The following ZFAT variants were observed in gnomAD, a reference collection of about 807,000 sequenced individuals.
ZFAT encodes the protein zinc finger protein ZFAT.
Under a neutral mutation model 117.7 loss-of-function variants are expected in ZFAT, and 64 were observed. The ratio of observed to expected loss-of-function variants is 0.54; its 90% CI spans 0.44 to 0.67. ZFAT has a LOEUF of 0.67. Among genes scored for constraint, ZFAT ranks in the 30% least tolerant of loss-of-function variants. The pLI, the probability that ZFAT is intolerant of heterozygous loss-of-function variation, is 0.00. For missense variants in ZFAT, 1,433 were observed against 1,584.5 expected (o/e 0.90, Z 1.62); for synonymous variants, 679 against 615.0 (o/e 1.10, Z -1.54).
chr8:134,499,857 C>CT (rs1818837355), intron 15 of ZFAT, among the ~76,000 whole-genome samples: 1 of 152,182 alleles, frequency 6.6e-6, no homozygotes, highest in Non-Finnish European at 1.5e-5. Flanking sequence ...GGGCAGACGT[C>CT]CGGTGGGAGA....
At chr8:134,725,161 A>G in the ZFAT span, among the ~76,000 whole-genome samples, 2 of 152,108 alleles carry the variant, frequency 1.3e-5, no homozygotes, top group African/African-American at 4.8e-5. Flanking sequence ...TCCTGGGCAC[A>G]CTGTACCGCC....
At chr8:134,647,086 T>C (rs1830939643) in intron 2 of ZFAT, among the ~76,000 whole-genome samples, 1 of 151,764 alleles carries the variant, frequency 6.6e-6, no homozygotes, top group African/African-American at 2.4e-5. Context: ...AAAAAGAAAA[T>C]TACAGGCCAA....
chr8:134,722,747 G>A, the ZFAT span, among the ~76,000 whole-genome samples: 41 of 152,276 alleles, frequency 2.7e-4, no homozygotes, highest in African/African-American at 9.6e-4. Context: ...CACTGTCCTC[G>A]ACCTTGAGGG....
chr8:134,619,176 T>C (rs1426314278), intron 3 of ZFAT, among the ~76,000 whole-genome samples: 1 of 152,124 alleles, frequency 6.6e-6, no homozygotes, highest in African/African-American at 2.4e-5. Context: ...CTATCCTATC[T>C]TAAATGTGCT....
chr8:134,757,080 A>C, the ZFAT span, among the ~76,000 whole-genome samples: 4 of 143,698 alleles, frequency 2.8e-5, no homozygotes, highest in African/African-American at 1.0e-4. Context: ...GCAGTGGCAC[A>C]ATCTGGGCTC....
intron 15 of ZFAT, among the ~76,000 whole-genome samples, chr8:134,504,074 A>G (rs557968145): frequency 6.6e-6 from 1 of 152,232 alleles, no homozygotes; most frequent in Non-Finnish European, 1.5e-5. Flanking sequence ...GGTAAAGTGC[A>G]TGCTGCTGGA....
the ZFAT span, among the ~76,000 whole-genome samples, chr8:134,803,879 T>A: frequency 1.3e-5 from 2 of 152,218 alleles, no homozygotes; most frequent in Non-Finnish European, 2.9e-5. Context: ...TACATTAGAT[T>A]GGCAAGACCT....
chr8:134,744,084 G>A, the ZFAT span, among the ~76,000 whole-genome samples: 8 of 152,238 alleles, frequency 5.3e-5, no homozygotes, highest in East Asian at 1.9e-4. Flanking sequence ...TCAGAAGTCC[G>A]GGCATGAGTT....
chr8:134,539,212 A>G (rs1030604168), intron 11 of ZFAT, among the ~76,000 whole-genome samples: 3 of 152,240 alleles, frequency 2.0e-5, no homozygotes, highest in Admixed American at 1.3e-4. Flanking sequence ...GTTTGAAAGC[A>G]GATGGGAAGC....
chr8:134,619,337 G>A (rs985287744), intron 3 of ZFAT, among the ~76,000 whole-genome samples: 1 of 152,212 alleles, frequency 6.6e-6, no homozygotes, highest in East Asian at 1.9e-4. Flanking sequence ...TCTACTAAAT[G>A]CATGTCACTT....
At chr8:134,624,354 T>G (rs1829349078) in intron 3 of ZFAT, among the ~76,000 whole-genome samples, 1 of 152,186 alleles carries the variant, frequency 6.6e-6, no homozygotes, top group South Asian at 2.1e-4. Context: ...CTAGAAGTGC[T>G]TCTTTAGGAG....
chr8:134,794,888 C>T, the ZFAT span: 1 of 152,254 alleles, frequency 6.6e-6, no homozygotes, highest in East Asian at 1.9e-4. Flanking sequence ...TGAAATAGCA[C>T]TTACTAAACA....
chr8:134,805,402 A>C, the ZFAT span, among the ~76,000 whole-genome samples: 1 of 152,196 alleles, frequency 6.6e-6, no homozygotes, highest in Non-Finnish European at 1.5e-5. Flanking sequence ...GTTGACAATG[A>C]ATAGAGTGGG....
At chr8:134,565,554 G>T in intron 10 of ZFAT, 133 bp from the exon 11 acceptor site, 1 of 835,832 alleles carries the variant, frequency 1.2e-6, no homozygotes, top group Non-Finnish European at 2.0e-6. Context: ...GAAGGGAACA[G>T]CGACGAGGTG....
intron 7 of ZFAT, among the ~76,000 whole-genome samples, chr8:134,595,626 G>A (rs1185527895): frequency 2.0e-5 from 3 of 152,140 alleles, no homozygotes; most frequent in Admixed American, 6.5e-5. Context: ...TGTTAAAAGT[G>A]GATTTGCTCC....
the ZFAT span, among the ~76,000 whole-genome samples, chr8:134,779,607 A>G: frequency 2.6e-4 from 40 of 152,228 alleles, no homozygotes; most frequent in Non-Finnish European, 4.7e-4. Context: ...TTTCATTTGC[A>G]AAGTCTGGCT....
intron 2 of ZFAT, among the ~76,000 whole-genome samples, chr8:134,646,505 G>C (rs1830906347): frequency 6.6e-6 from 1 of 151,684 alleles, no homozygotes; most frequent in Non-Finnish European, 1.5e-5. Context: ...CAAGGAATTA[G>C]ACAAAGAAGA....
chr8:134,566,578 G>A (rs1377364038), intron 10 of ZFAT, among the ~76,000 whole-genome samples: 1 of 152,146 alleles, frequency 6.6e-6, no homozygotes, highest in Non-Finnish European at 1.5e-5. Flanking sequence ...ACTTCGTATA[G>A]CAGTAAAGAA....
chr8:134,763,194 G>A, the ZFAT span, among the ~76,000 whole-genome samples: 1 of 152,124 alleles, frequency 6.6e-6, no homozygotes, highest in Non-Finnish European at 1.5e-5. Flanking sequence ...CAGATATAAC[G>A]ATGTCAATTC....
Sources: allele counts gnomAD v4.1 joint callset (sites outside exome capture counted in the v4.1 genomes callset), GRCh38; gene constraint gnomAD v4.1.1; transcripts MANE v1.5; gene names NCBI Gene and HGNC (gene_info 2026-07-23, HGNC 2026-07-21).